Variants in BSN observed in about 807,000 individuals in gnomAD.
The protein encoded by BSN is bassoon presynaptic cytomatrix protein.
BSN carries 57 observed loss-of-function variants against 264.8 expected under a neutral mutation model. The observed-to-expected ratio is 0.22, with a 90% CI of 0.17 to 0.27. The LOEUF (loss-of-function observed/expected upper bound fraction) is 0.27, where lower values mean the gene tolerates loss of function less well. Ranked by LOEUF, BSN falls within the 10% of genes least tolerant of loss-of-function variation. BSN has a pLI of 1.00. For missense variants in BSN, 4,615 were observed against 5,232.5 expected (o/e 0.88, Z 3.64); for synonymous variants, 2,059 against 2,137.3 (o/e 0.96, Z 1.01).
chr3:49,647,707 A>G (rs1223408980), intron 3 of BSN, among the ~76,000 whole-genome samples: 1 of 152,226 alleles, frequency 6.6e-6, no homozygotes, highest in Non-Finnish European at 1.5e-5. Flanking sequence ...AAATGAGAAT[A>G]GAATGAATAA....
intron 2 of BSN, among the ~76,000 whole-genome samples, chr3:49,631,006 G>A (rs2052380497): frequency 6.6e-6 from 1 of 152,126 alleles, no homozygotes; most frequent in African/African-American, 2.4e-5. Flanking sequence ...CTGAGTCAGA[G>A]GGCAGCCCTC....
At chr3:49,575,390 A>G (rs988004074) in intron 1 of BSN, among the ~76,000 whole-genome samples, 6 of 148,584 alleles carry the variant, frequency 4.0e-5, no homozygotes, top group African/African-American at 1.2e-4. Context: ...ATGTAAATAT[A>G]TATGTGTGTA....
In BSN at chr3:49,657,210, G is replaced by A. The variant is rs1393276346; in HGVS notation, c.7654G>A (p.Gly2552Ser). 6.2e-7 allele frequency: 1 copy of A among 1,613,322 alleles called. No homozygotes were observed. The highest frequency in any genetic ancestry group is 1.3e-5 in the African/African-American group (1 of 74,954). ...TEEQWEASRS[G>S]IKKRHSMPRL... The stretch of plus-strand genomic sequence containing the variant: ...GGAGCAGTGGGAGGCCAGCCGTAGT[G>A]GCATCAAGAAGCGGCACTCCATGCC... The change falls in exon 5 of 12, where the codon GGC (glycine) becomes AGC (serine). Residue 2552 changes from glycine (G) to serine (S), a missense_variant. Gly to Ser is a moderately conservative substitution (Grantham distance 56). Around this residue, in one of 3 missense-constraint regions of BSN, gnomAD observed 3,415 missense variants for 3,866.4 expected, o/e 0.88. Transcript: ENST00000296452.
chr3:49,664,920 G>T, intron 10 of BSN, 67 bp downstream of exon 10: 1 of 1,260,650 alleles, frequency 7.9e-7, no homozygotes, highest in Non-Finnish European at 1.1e-6. Context: ...GTGGGGGTGG[G>T]GCTCTAAGTC....
chr3:49,652,510 C>T lies in BSN; in HGVS notation c.2954C>T (p.Ala985Val), dbSNP rs1257634416. The stretch of plus-strand genomic sequence containing the variant: ...GGTGAGCACTCCTCTACATTGCCTG[C>T]CTCCACACCCAGCTACACCTCGGGC... Reference protein sequence around the residue: ...SRGEHSSTLPASTPSYTSGTS... With the variant: ...SRGEHSSTLPVSTPSYTSGTS... The change falls in exon 5 of 12, where the codon GCC becomes GTC. Residue 985 changes from alanine (A) to valine (V), a missense_variant. Coordinates refer to ENST00000296452, the MANE Select transcript of BSN (RefSeq NM_003458.4). 2.5e-6 allele frequency: 4 copies of T among 1,613,824 alleles called. No individual in the cohort carries two copies. Among genetic ancestry groups the T allele is most frequent in the Non-Finnish European group, 3.4e-6 (4 of 1,180,016 alleles).
chr3:49,558,527 A>G (rs956931536), intron 1 of BSN, among the ~76,000 whole-genome samples: 1 of 152,370 alleles, frequency 6.6e-6, no homozygotes, highest in Middle Eastern at 3.4e-3. Context: ...TGTCAGGCAT[A>G]GTATCTCTGG....
intron 1 of BSN, among the ~76,000 whole-genome samples, chr3:49,581,683 G>A (rs1326457125): frequency 6.6e-6 from 1 of 152,072 alleles, no homozygotes; most frequent in African/African-American, 2.4e-5. Flanking sequence ...AATTAGCTGG[G>A]CATGGTGGCA....
chr3:49,662,491 G>A lies in BSN; in HGVS notation c.10646G>A (p.Arg3549Gln), dbSNP rs61731795. The change falls in exon 6 of 12, where the codon CGG becomes CAG. Residue 3549 changes from arginine (R) to glutamine (Q), a missense_variant. Transcript: ENST00000296452. ...CAGGAACATGTCAAGGACGGACCTC[G>A]GGCCCACGCATATAAGCGTGAGGAG... ...DVQEHVKDGP[R>Q]AHAYKREEGY... The A allele has an allele frequency of 7.4e-6, 12 of 1,613,518 alleles. No homozygotes were observed. The highest frequency in any genetic ancestry group is 4.4e-5 in the South Asian group (4 of 91,060).
intron 1 of BSN, among the ~76,000 whole-genome samples, chr3:49,596,376 C>T (rs1182608766): frequency 6.6e-6 from 1 of 152,086 alleles, no homozygotes; most frequent in African/African-American, 2.4e-5. Flanking sequence ...TGTACTCCAG[C>T]CTGGGTGACA....
chr3:49,639,520 T>C (rs1011495453), intron 2 of BSN, among the ~76,000 whole-genome samples: 3 of 152,118 alleles, frequency 2.0e-5, no homozygotes, highest in Non-Finnish European at 4.4e-5. Context: ...TAAAAAGCAT[T>C]TGGGTGGGTT....
At chr3:49,650,589 C>T in intron 3 of BSN, 23 bp from the exon 4 acceptor site, 1 of 1,567,374 alleles carries the variant, frequency 6.4e-7, no homozygotes, top group Non-Finnish European at 8.6e-7. Flanking sequence ...TTTTCATCAA[C>T]CCCCTCTCCC....
chr3:49,563,095 A>C (rs991242199), intron 1 of BSN, among the ~76,000 whole-genome samples: 1 of 152,212 alleles, frequency 6.6e-6, no homozygotes, highest in African/African-American at 2.4e-5. Flanking sequence ...TACATTGTGC[A>C]CTTTTTAGTT....
intron 1 of BSN, among the ~76,000 whole-genome samples, chr3:49,572,137 T>C (rs1439772635): frequency 2.0e-5 from 3 of 152,212 alleles, no homozygotes; most frequent in African/African-American, 7.2e-5. Context: ...GTGTTGACCA[T>C]TGGACTTGTA....
chr3:49,563,176 A>C (rs2051727980), intron 1 of BSN, among the ~76,000 whole-genome samples: 1 of 152,224 alleles, frequency 6.6e-6, no homozygotes, highest in Middle Eastern at 3.2e-3. Context: ...AGAATGGACA[A>C]GATGACTGCA....
At chr3:49,605,961 A>G (rs1211495239) in intron 1 of BSN, among the ~76,000 whole-genome samples, 2 of 76,764 alleles carry the variant, frequency 2.6e-5, no homozygotes, top group Non-Finnish European at 4.5e-5. Context: ...ATAAATATAT[A>G]ATAAAATATA....
Position 49,586,923 on chromosome 3 carries a change from A to AT in BSN, c.224+32106dup, listed in dbSNP as rs1053406383. On this transcript the variant is annotated intron_variant, in intron 1 of 11. Transcript: ENST00000296452. ...TTTGTGGTTTCATATAAATTTTAGG[A>AT]TTTTTTTTTATTCTGTGAAGAATGT... 7.9e-5 allele frequency among the ~76,000 whole-genome samples: 12 copies of AT among 151,282 alleles called. 1 individual carries two copies. Among genetic ancestry groups the AT allele is most frequent in the South Asian group, 4.2e-4 (2 of 4,792 alleles).
Position 49,642,186 on chromosome 3 carries a change from C to A in BSN, c.634-82C>A. The A allele has an allele frequency of 1.7e-6, 2 of 1,170,724 alleles. No homozygotes were observed. Among genetic ancestry groups the A allele is most frequent in the Non-Finnish European group, 2.3e-6 (2 of 869,862 alleles). The allele number at this position is 1,170,724 out of a possible 1,614,324, so 72.5% of individuals were successfully genotyped here. A position where few individuals can be genotyped will look rare whatever the true frequency, so the allele number is the denominator to read the frequency against. Reference sequence around the variant, plus strand: ...CTGCCTGTGCTAGGAGTGGCCTTGGCTGCTGTGGGGCCTGCACTGACCTGG... The same window carrying A: ...CTGCCTGTGCTAGGAGTGGCCTTGGATGCTGTGGGGCCTGCACTGACCTGG... On this transcript the variant is annotated intron_variant, in intron 2 of 11. Transcript: ENST00000296452. The surrounding 1 kb of genome is among the most constrained non-coding windows in gnomAD (Gnocchi z 7.0).
At chr3:49,566,613 C>T (rs1473316728) in intron 1 of BSN, among the ~76,000 whole-genome samples, 1 of 151,724 alleles carries the variant, frequency 6.6e-6, no homozygotes. Context: ...AGTGAGACCC[C>T]ATCTCTACAA....
intron 5 of BSN, among the ~76,000 whole-genome samples, chr3:49,659,038 C>T (rs1395029329): frequency 2.6e-5 from 4 of 152,066 alleles, no homozygotes; most frequent in African/African-American, 9.7e-5. Context: ...GTTTCCTGGG[C>T]AGAATGTGGG....
Sources: gnomAD v4.1 joint callset for allele counts (sites outside exome capture counted in the v4.1 genomes callset) on GRCh38, gnomAD v4.1.1 for gene constraint, gnomAD v4.1.1 regional missense constraint, Gnocchi (gnomAD v3.1) non-coding constraint, MANE v1.5 for transcripts, NCBI Gene and HGNC (gene_info 2026-07-23, HGNC 2026-07-21) for gene names.